Variants in AP2A2 observed in about 807,000 individuals in gnomAD.
AP2A2 encodes AP-2 complex subunit alpha-2.
A neutral mutation model predicts 104.2 loss-of-function variants in AP2A2; 32 were observed. That is an observed-to-expected ratio of 0.31 (90% CI 0.23 to 0.41). The LOEUF (loss-of-function observed/expected upper bound fraction) is 0.41. Among genes scored for constraint, AP2A2 ranks in the 10% least tolerant of loss-of-function variants. The probability of loss-of-function intolerance (pLI) is 1.00; values close to 1 mark genes in which losing one functional copy is unlikely to be tolerated. For synonymous variants in AP2A2, 539 were observed against 533.3 expected, an observed-to-expected ratio of 1.01 and a Z score of -0.15; for missense variants, 912 against 1,261.0, an observed-to-expected ratio of 0.72 and a Z score of 4.19.
In AP2A2 at chr11:992,697, A is replaced by G. The variant is rs377075595; in HGVS notation, c.1452+12A>G. 4 of 1,613,650 alleles carry G rather than the reference A, an allele frequency of 2.5e-6. No individual in the cohort carries two copies. Among genetic ancestry groups the G allele is most frequent in the Non-Finnish European group, 3.4e-6 (4 of 1,179,774 alleles). On this transcript the variant is annotated intron_variant, in intron 11 of 21. Transcript: ENST00000448903. This position sits in a 1 kb window ranked among gnomAD's most constrained non-coding sequence, Gnocchi z 6.4. ...AGACTGTGTTCGAGGTATGGCCCGC[A>G]GGATGGCAGGAAGGATGGGGTGGAG...
chr11:926,102 G>GCGGCGTGGGGCCGGGGC lies in AP2A2; in HGVS notation c.67+18_67+34dup, dbSNP rs1555024008. 1.5e-6 allele frequency: 2 copies of GCGGCGTGGGGCCGGGGC among 1,303,002 alleles called. No homozygotes were observed. Among genetic ancestry groups the GCGGCGTGGGGCCGGGGC allele is most frequent in the Non-Finnish European group, 2.0e-6 (2 of 1,014,794 alleles). 80.7% of individuals were successfully genotyped at this position (1,303,002 alleles called of 1,614,324 possible). A position where few individuals can be genotyped will look rare whatever the true frequency, so the allele number is the denominator to read the frequency against. ...ATATCCGCAACTGTGAGTGGCGGGG[G>GCGGCGTGGGGCCGGGGC]CGGCGTGGGGCCGGGGCCGGGGCCG... On this transcript the variant is annotated intron_variant, in intron 1 of 21. Coordinates refer to ENST00000448903, the MANE Select transcript of AP2A2 (RefSeq NM_012305.4).
At chr11:1,010,274 T>C in intron 21 of AP2A2, 1 of 556,112 alleles carries the variant, frequency 1.8e-6, no homozygotes, top group Non-Finnish European at 3.2e-6. Flanking sequence ...AGGGCCTGTG[T>C]GTGGTTAGTG....
At chr11:938,948 A>T (rs564156930) in intron 1 of AP2A2, among the ~76,000 whole-genome samples, 1 of 152,276 alleles carries the variant, frequency 6.6e-6, no homozygotes, top group East Asian at 1.9e-4. Context: ...TAAAAGATTA[A>T]AAAAGTTAAA....
chr11:953,554 C>T (rs982395282), intron 1 of AP2A2, among the ~76,000 whole-genome samples: 5 of 151,970 alleles, frequency 3.3e-5, no homozygotes, highest in South Asian at 4.2e-4. Flanking sequence ...AGCCCCCCCC[C>T]CCCATTGTCT....
intron 4 of AP2A2, among the ~76,000 whole-genome samples, chr11:975,193 C>T (rs370140040): frequency 6.6e-6 from 1 of 152,130 alleles, no homozygotes; most frequent in Non-Finnish European, 1.5e-5. Context: ...AAAGAGAACC[C>T]GTGGAGGTGC....
At chr11:971,917 G>A (rs1854844546) in intron 3 of AP2A2, 145 bp from the exon 4 acceptor site, 6 of 735,656 alleles carry the variant, frequency 8.2e-6, no homozygotes, top group South Asian at 1.9e-5. Context: ...CCTGAGAGGC[G>A]CCGCTCCCAC....
intron 6 of AP2A2, among the ~76,000 whole-genome samples, chr11:982,109 G>A (rs1855264818): frequency 6.6e-6 from 1 of 152,222 alleles, no homozygotes; most frequent in African/African-American, 2.4e-5. Context: ...AGAGTGCAGT[G>A]GTGCAGTCTC....
In AP2A2 at chr11:977,081, C is replaced by T. The variant is rs771596836; in HGVS notation, c.474-14C>T. On this transcript the variant is annotated splice_polypyrimidine_tract_variant and intron_variant, in intron 4 of 21. Transcript: ENST00000448903. ...TCAGCCTGTTGCGAGTGACTCTTGA[C>T]GTCTGTCTTTCAGAGACACTATGGA... The T allele has an allele frequency of 1.6e-5, 26 of 1,613,272 alleles. No homozygotes were observed. The highest frequency in any genetic ancestry group is 4.5e-5 in the East Asian group (2 of 44,892).
At chr11:949,472 C>T (rs552397960) in intron 1 of AP2A2, among the ~76,000 whole-genome samples, 1 of 152,242 alleles carries the variant, frequency 6.6e-6, no homozygotes, top group Admixed American at 6.5e-5. Flanking sequence ...AATCCAGCAA[C>T]AACGTATAAA....
chr11:998,215 G>A (rs1344206471), intron 14 of AP2A2, among the ~76,000 whole-genome samples: 2 of 152,322 alleles, frequency 1.3e-5, no homozygotes, highest in South Asian at 2.1e-4. Flanking sequence ...CACCCTTGGA[G>A]CACATGAGAC....
At chr11:967,287 A>T (rs1417379711) in intron 2 of AP2A2, among the ~76,000 whole-genome samples, 1 of 152,150 alleles carries the variant, frequency 6.6e-6, no homozygotes. Context: ...GTGCTCATGA[A>T]CCTGTGTTGT....
At position 1,011,140 on chromosome 11, in the gene AP2A2, T is replaced by A. The variant is rs201215538; in HGVS notation, c.*515T>A. 4.1e-3 allele frequency: 2,302 copies of A among 559,174 alleles called. 22 individuals carry two copies. Among genetic ancestry groups the A allele is most frequent in the Non-Finnish European group, 4.4e-3 (1,249 of 286,684 alleles). 34.6% of individuals were successfully genotyped at this position (559,174 alleles called of 1,614,324 possible). A position where few individuals can be genotyped will look rare whatever the true frequency, so the allele number is the denominator to read the frequency against. ...TGCTGCAGTCCCAGCTGGACTGTTT[T>A]CCCAGGCAGGATTTTAATCTAGAAT... On this transcript the variant is annotated 3_prime_UTR_variant, in exon 22 of 22. Coordinates refer to ENST00000448903, the MANE Select transcript of AP2A2 (RefSeq NM_012305.4).
chr11:972,912 C>T (rs1002349414), intron 4 of AP2A2, among the ~76,000 whole-genome samples: 4 of 152,254 alleles, frequency 2.6e-5, no homozygotes, highest in African/African-American at 7.2e-5. Flanking sequence ...AGCCGAGCAC[C>T]GCGCCGGAGC....
chr11:955,067 T>C (rs1854192566), intron 1 of AP2A2, among the ~76,000 whole-genome samples: 1 of 152,230 alleles, frequency 6.6e-6, no homozygotes, highest in South Asian at 2.1e-4. Flanking sequence ...CAGAGTGGTT[T>C]CTTTCCCTGG....
chr11:985,370 G>A (rs1273647945), intron 7 of AP2A2, 65 bp from the exon 8 acceptor site: 3 of 1,560,582 alleles, frequency 1.9e-6, no homozygotes, highest in Admixed American at 2.0e-5. Context: ...GGGTGCAGCC[G>A]GGAGGGGCAG....
chr11:983,665 G>C (rs1265658930), intron 6 of AP2A2, among the ~76,000 whole-genome samples: 1 of 152,198 alleles, frequency 6.6e-6, no homozygotes, highest in Non-Finnish European at 1.5e-5. Flanking sequence ...TTACAGGCGG[G>C]AGCCACCGCA....
Position 1,003,922 on chromosome 11 carries a change from A to G in AP2A2, c.2206+118A>G. On this transcript the variant is annotated intron_variant, in intron 16 of 21. Transcript: ENST00000448903. ...TATCCAGAATATAAAAAGAACTCCC[A>G]TAACTCAGTAAGAAAGCAGCCCAAT... 3 of 658,794 alleles carry G rather than the reference A, an allele frequency of 4.6e-6. No individual in the cohort carries two copies. In the South Asian group the frequency reaches 7.7e-5, roughly 17 times the overall value. 40.8% of individuals were successfully genotyped at this position (658,794 alleles called of 1,614,324 possible).
chr11:1,009,241 G>C, intron 19 of AP2A2, 25 bp downstream of exon 19: 1 of 1,609,860 alleles, frequency 6.2e-7, no homozygotes, highest in Non-Finnish European at 8.5e-7. Context: ...TCCTGTAGGG[G>C]TCAGGGGTGG....
chr11:974,137 A>G (rs1264094599), intron 4 of AP2A2, among the ~76,000 whole-genome samples: 1 of 151,972 alleles, frequency 6.6e-6, no homozygotes, highest in Non-Finnish European at 1.5e-5. Context: ...CTGCAGCCAG[A>G]AGGGAGCAGG....
Sources: allele counts gnomAD v4.1 joint callset (sites outside exome capture counted in the v4.1 genomes callset), GRCh38; gene constraint gnomAD v4.1.1; non-coding constraint Gnocchi (gnomAD v3.1); transcripts MANE v1.5; gene names NCBI Gene and HGNC (gene_info 2026-07-23, HGNC 2026-07-21).